IZUMO1: variants seen among roughly 807,000 people sequenced by gnomAD.
The protein encoded by IZUMO1 is izumo sperm-oocyte fusion 1, also known as izumo sperm-egg fusion protein 1.
IZUMO1 carries 44 observed loss-of-function variants against 40.7 expected under a neutral mutation model. That is an observed-to-expected ratio of 1.08 (90% CI 0.85 to 1.39). The LOEUF (loss-of-function observed/expected upper bound fraction) is 1.39, where lower values mean the gene tolerates loss of function less well. Among genes scored for constraint, IZUMO1 ranks in the 40% most tolerant of loss-of-function variants. The probability of loss-of-function intolerance (pLI) is 0.00; values close to 1 mark genes in which losing one functional copy is unlikely to be tolerated. For missense variants in IZUMO1, 368 were observed against 436.9 expected (o/e 0.84, Z 1.41); for synonymous variants, 149 against 170.9 (o/e 0.87, Z 1.00).
In IZUMO1 at chr19:48,740,961, C is replaced by A. The variant is rs762024912; in HGVS notation, c.1000G>T (p.Ala334Ser). 5.6e-6 allele frequency: 9 copies of A among 1,614,076 alleles called. No homozygotes were observed. The South Asian group carries it at 8.8e-5, about 16-fold the overall frequency. The stretch of plus-strand genomic sequence containing the variant: ...TCTTTTGGGACCTGGGTTTGCTCGG[C>A]CGCTCCACTGCCAAGGCCAAACAGT... ...SSLFGLGSGA[A>S]EQTQVPKEKA... The change falls in exon 10 of 10, where the codon GCC becomes TCC. Residue 334 changes from alanine (A) to serine (S), a missense_variant. Coordinates refer to ENST00000332955, the MANE Select transcript of IZUMO1 (RefSeq NM_182575.3). This position sits in a 1 kb window ranked among gnomAD's most constrained non-coding sequence, Gnocchi z 5.5.
Position 48,744,416 on chromosome 19 carries a change from G to A in IZUMO1, c.397+37C>T, listed in dbSNP as rs777802594. The A allele has an allele frequency of 3.3e-6, 5 of 1,501,652 alleles. No homozygotes were observed. In the East Asian group the frequency reaches 6.8e-5, roughly 20 times the overall value. 93.0% of individuals were successfully genotyped at this position (1,501,652 alleles called of 1,614,324 possible). A position where few individuals can be genotyped will look rare whatever the true frequency, so the allele number is the denominator to read the frequency against. On this transcript the variant is annotated intron_variant, in intron 4 of 9. Transcript: ENST00000332955. ...GACAAGGACTCTTGGATAGTGGAAAGAGGAGCTGGGGGACACCGACTCCCA... is the reference window on the plus strand; with the variant it reads ...GACAAGGACTCTTGGATAGTGGAAAAAGGAGCTGGGGGACACCGACTCCCA...
intron 2 of IZUMO1, 70 bp from the exon 3 acceptor site, chr19:48,745,358 C>G: frequency 7.1e-7 from 1 of 1,412,566 alleles, no homozygotes. Context: ...TTAGAAACTA[C>G]AATACCCATG....
chr19:48,743,467 A>T lies in IZUMO1; in HGVS notation c.477T>A (p.Cys159Ter). ...CKNCKKEVHA[C>*]RKSYDCGERN... Reference sequence around the variant, plus strand: ...CACCCCCGCAATCGTAGGACTTTCGACAAGCGTGAACCTCCTTTTTGCAGT... The same window carrying T: ...CACCCCCGCAATCGTAGGACTTTCGTCAAGCGTGAACCTCCTTTTTGCAGT... Residue 159 changes from cysteine (C) to a stop codon, truncating the protein, a stop_gained, in exon 6 of 10, where the codon TGT becomes TGA. Transcript: ENST00000332955. LOFTEE classifies it high-confidence loss of function. The T allele has an allele frequency of 6.2e-7, 1 of 1,614,108 alleles. No individual in the cohort carries two copies. Among genetic ancestry groups the T allele is most frequent in the Non-Finnish European group, 8.5e-7 (1 of 1,180,010 alleles).
At chr19:48,744,863 A>G (rs11083948) in intron 3 of IZUMO1, among the ~76,000 whole-genome samples, 63,110 of 151,802 alleles carry the variant, frequency 0.42, 14,201 homozygotes, top group East Asian at 0.85. Context: ...ATATGTATAC[A>G]TATGTCTATT....
At chr19:48,744,324 C>A in intron 4 of IZUMO1, 129 bp from the exon 5 acceptor site, 1 of 1,229,898 alleles carries the variant, frequency 8.1e-7, no homozygotes, top group Admixed American at 1.7e-5. Context: ...GGAGAAAAGA[C>A]TTGGGTCTGA....
Position 48,745,659 on chromosome 19 carries a change from C to G in IZUMO1, c.201G>C (p.Leu67=). The G allele has an allele frequency of 6.2e-7, 1 of 1,614,194 alleles. No individual in the cohort carries two copies. Among genetic ancestry groups the G allele is most frequent in the East Asian group, 2.2e-5 (1 of 44,868 alleles). The change falls in exon 2 of 10, where the codon CTG becomes CTC. Residue 67 remains leucine (L), a synonymous_variant. Coordinates refer to ENST00000332955, the MANE Select transcript of IZUMO1 (RefSeq NM_182575.3). ...VENAVKDFQE[L]SLNEDAYMGV... ...CCATATAGGCATCCTCATTAAGCGA[C>G]AGTTCCTGGAAATCCTTCACGGCAT...
rs1401318565 is a variant in IZUMO1, at chr19:48,741,548, T to A, written c.755-70A>T. On this transcript the variant is annotated intron_variant, in intron 8 of 9. Transcript: ENST00000332955. This position sits in a 1 kb window ranked among gnomAD's most constrained non-coding sequence, Gnocchi z 4.4. ...TCCTGCCCTGGCAAAGACAAGCCCG[T>A]CCCAGTAGCCGGCCATCCCAGAGAT... 2.0e-6 allele frequency: 3 copies of A among 1,500,570 alleles called. No individual in the cohort carries two copies. The East Asian group carries it at 6.9e-5, about 34-fold the overall frequency. 93.0% of individuals were successfully genotyped at this position (1,500,570 alleles called of 1,614,324 possible).
rs894881890 is a variant in IZUMO1, at chr19:48,744,028, G to T, written c.418+147C>A. The T allele has an allele frequency of 1.5e-5, 11 of 737,488 alleles. No homozygotes were observed. In the African/African-American group the frequency reaches 1.6e-4, roughly 11 times the overall value. 45.7% of individuals were successfully genotyped at this position (737,488 alleles called of 1,614,324 possible). ...AAGTAGAATATGACCTGCTCCCCAA[G>T]AAATCCATGGTGCAGAAAGAATACT... On this transcript the variant is annotated intron_variant, in intron 5 of 9. Coordinates refer to ENST00000332955, the MANE Select transcript of IZUMO1 (RefSeq NM_182575.3).
chr19:48,745,003 A>G (rs931657858), intron 3 of IZUMO1, among the ~76,000 whole-genome samples: 1 of 152,110 alleles, frequency 6.6e-6, no homozygotes, highest in Non-Finnish European at 1.5e-5. Context: ...GGCCAGCAAT[A>G]CACATTTAAA....
intron 5 of IZUMO1, 32 bp from the exon 6 acceptor site, chr19:48,743,557 C>G: frequency 6.5e-7 from 1 of 1,535,198 alleles, no homozygotes; most frequent in Admixed American, 1.7e-5. Context: ...TTGTATTTGC[C>G]CACTAAGGGG....
intron 4 of IZUMO1, 30 bp from the exon 5 acceptor site, chr19:48,744,225 G>T: frequency 6.2e-7 from 1 of 1,606,780 alleles, no homozygotes; most frequent in Non-Finnish European, 8.5e-7. Flanking sequence ...AAGAGAGCAA[G>T]AAAGAGATGA....
chr19:48,740,919 T>C lies in IZUMO1; in HGVS notation c.1042A>G (p.Arg348Gly). The C allele has an allele frequency of 1.2e-6, 2 of 1,614,184 alleles. No homozygotes were observed. Among genetic ancestry groups the C allele is most frequent in the Non-Finnish European group, 1.7e-6 (2 of 1,180,006 alleles). Residue 348 changes from arginine to glycine, a missense_variant, in exon 10 of 10, where the codon AGG becomes GGG. Transcript: ENST00000332955. This position sits in a 1 kb window ranked among gnomAD's most constrained non-coding sequence, Gnocchi z 5.5. The stretch of plus-strand genomic sequence containing the variant: ...AACAAGATAAATCTTTATTGTTGCC[T>C]CGAATCTGTGGCCTTTTCTTTTGGG... ...QVPKEKATDS[R>G]QQ is the part of the protein sequence containing the mutation.
At chr19:48,746,087 C>T in intron 1 of IZUMO1, 155 bp from the exon 2 acceptor site, 2 of 1,393,320 alleles carry the variant, frequency 1.4e-6, no homozygotes, top group Middle Eastern at 2.7e-4. Context: ...AAACTGAGCC[C>T]CAATCCAGGG....
rs1435138135 is a variant in IZUMO1 at position 48,741,422 on chromosome 19, C to A, written c.811G>T (p.Glu271Ter). The A allele has an allele frequency of 6.2e-7, 1 of 1,613,054 alleles. No homozygotes were observed. Among genetic ancestry groups the A allele is most frequent in the Non-Finnish European group, 8.5e-7 (1 of 1,179,464 alleles). The change falls in exon 9 of 10, where the codon GAG becomes TAG. Residue 271 changes from glutamate to a stop codon, truncating the protein, a stop_gained. Transcript: ENST00000332955. LOFTEE classifies it high-confidence loss of function. The surrounding 1 kb of genome is among the most constrained non-coding windows in gnomAD (Gnocchi z 4.4). Reference sequence around the variant, plus strand: ...CTTATGGACGACTCCGTGGTCGCCTCCCCCGGGGTTACGATATTTGGAGAA... The same window carrying A: ...CTTATGGACGACTCCGTGGTCGCCTACCCCGGGGTTACGATATTTGGAGAA... ...KPSPNIVTPG[E>*]ATTESSISLQ... is the part of the protein sequence containing the mutation.
chr19:48,744,013 T>C (rs757803153), intron 5 of IZUMO1, 162 bp downstream of exon 5: 3 of 701,582 alleles, frequency 4.3e-6, no homozygotes, highest in Non-Finnish European at 7.7e-6. Flanking sequence ...AAGTAGAATA[T>C]GACCTGCTCC....
In IZUMO1 at chr19:48,742,043, T is replaced by G. The variant is rs1189400037; in HGVS notation, c.601-101A>C. The G allele has an allele frequency of 3.3e-6, 5 of 1,533,456 alleles. No homozygotes were observed. The African/African-American group carries it at 6.9e-5, about 21-fold the overall frequency. 95.0% of individuals were successfully genotyped at this position (1,533,456 alleles called of 1,614,324 possible). A position where few individuals can be genotyped will look rare whatever the true frequency, so the allele number is the denominator to read the frequency against. On this transcript the variant is annotated intron_variant, in intron 7 of 9. Coordinates refer to ENST00000332955, the MANE Select transcript of IZUMO1 (RefSeq NM_182575.3). ...AGGGCCTCAGTGTGGGAGGTGAGTGTCCAGGGTGTCACTGGTCAGGGCACG... is the reference window on the plus strand; with the variant it reads ...AGGGCCTCAGTGTGGGAGGTGAGTGGCCAGGGTGTCACTGGTCAGGGCACG...
intron 5 of IZUMO1, 99 bp downstream of exon 5, chr19:48,744,076 G>A (rs1486137913): frequency 9.3e-7 from 1 of 1,069,560 alleles, no homozygotes; most frequent in Non-Finnish European, 1.5e-6. Context: ...ACCTCTCCAA[G>A]GCAGAGAATG....
At chr19:48,744,262 G>T (rs367665173) in intron 4 of IZUMO1, 67 bp from the exon 5 acceptor site, 1 of 1,504,882 alleles carries the variant, frequency 6.6e-7, no homozygotes. Flanking sequence ...AATGAAAGAC[G>T]ATGGAAGAGG....
intron 6 of IZUMO1, 28 bp downstream of exon 6, chr19:48,743,417 T>A: frequency 6.2e-7 from 1 of 1,612,364 alleles, no homozygotes; most frequent in South Asian, 1.1e-5. Context: ...CCTGCACCAA[T>A]TCCTCCTGCT....
Sources: gnomAD v4.1 joint callset for allele counts (sites outside exome capture counted in the v4.1 genomes callset) on GRCh38, gnomAD v4.1.1 for gene constraint, Gnocchi (gnomAD v3.1) non-coding constraint, MANE v1.5 for transcripts, NCBI Gene and HGNC (gene_info 2026-07-23, HGNC 2026-07-21) for gene names.